The following ACVR1 variants were observed in gnomAD, a reference collection of about 807,000 sequenced individuals.
ACVR1 encodes the protein activin receptor type-1.
Under a neutral mutation model 57.1 loss-of-function variants are expected in ACVR1, and 38 were observed. That is an observed-to-expected ratio of 0.67 (90% CI 0.51 to 0.87). The LOEUF (loss-of-function observed/expected upper bound fraction) is 0.87, where lower values mean the gene tolerates loss of function less well. Among genes scored for constraint, ACVR1 ranks in the 40% least tolerant of loss-of-function variants. The probability of loss-of-function intolerance (pLI) is 0.00; values close to 1 mark genes in which losing one functional copy is unlikely to be tolerated. For synonymous variants in ACVR1, 212 were observed against 228.1 expected (o/e 0.93, Z 0.63); for missense variants, 463 against 638.2 (o/e 0.73, Z 2.96).
intron 1 of ACVR1, among the ~76,000 whole-genome samples, chr2:157,823,861 T>C (rs915561993): frequency 1.6e-4 from 25 of 152,128 alleles, no homozygotes; most frequent in African/African-American, 5.8e-4. Flanking sequence ...AGGAGAAAAC[T>C]TGAGGCAACA....
At chr2:157,834,753 T>C (rs892403336) in intron 1 of ACVR1, among the ~76,000 whole-genome samples, 1 of 152,204 alleles carries the variant, frequency 6.6e-6, no homozygotes, top group Non-Finnish European at 1.5e-5. Context: ...TCATATGTTG[T>C]AACCTAATCA....
chr2:157,855,212 T>C (rs1302530365), intron 1 of ACVR1, among the ~76,000 whole-genome samples: 1 of 147,448 alleles, frequency 6.8e-6, no homozygotes, highest in Non-Finnish European at 1.5e-5. Context: ...AGCTTAGGAG[T>C]TTGGGACCAG....
At chr2:157,741,316 C>A (rs950226558) in intron 9 of ACVR1, among the ~76,000 whole-genome samples, 1 of 152,066 alleles carries the variant, frequency 6.6e-6, no homozygotes, top group East Asian at 1.9e-4. Context: ...TGGGTGTGCC[C>A]GAGGCTGTGC....
intron 2 of ACVR1, among the ~76,000 whole-genome samples, chr2:157,809,989 T>C (rs543508831): frequency 3.1e-4 from 47 of 152,210 alleles, no homozygotes; most frequent in African/African-American, 1.1e-3. Context: ...GACGACAAGA[T>C]TACTTGAGCC....
intron 1 of ACVR1, among the ~76,000 whole-genome samples, chr2:157,850,824 G>T (rs1689271948): frequency 6.6e-6 from 1 of 152,074 alleles, no homozygotes; most frequent in East Asian, 1.9e-4. Flanking sequence ...GGGTGTGGTG[G>T]TGCACATCTG....
chr2:157,806,775 A>G (rs1260703945), intron 2 of ACVR1: 1 of 152,232 alleles, frequency 6.6e-6, no homozygotes, highest in Non-Finnish European at 1.5e-5. Flanking sequence ...CGGTTCAAAA[A>G]TGACCTGTTA....
chr2:157,824,951 G>T (rs1688289335), intron 1 of ACVR1, among the ~76,000 whole-genome samples: 1 of 152,020 alleles, frequency 6.6e-6, no homozygotes, highest in Non-Finnish European at 1.5e-5. Context: ...TTGCCATGTT[G>T]GCCAGGCTGG....
intron 4 of ACVR1, 66 bp downstream of exon 4, chr2:157,780,271 C>A (rs1222575960): frequency 2.5e-6 from 4 of 1,608,874 alleles, no homozygotes; most frequent in Non-Finnish European, 3.4e-6. Context: ...AGATCTTTAA[C>A]CCACACGGAC....
chr2:157,813,685 C>T (rs1196784508), intron 2 of ACVR1, among the ~76,000 whole-genome samples: 1 of 152,222 alleles, frequency 6.6e-6, no homozygotes, highest in Non-Finnish European at 1.5e-5. Flanking sequence ...TCTGAATGAT[C>T]AGTGGATGTG....
At position 157,839,627 on chromosome 2, in the gene ACVR1, T is replaced by C. The variant is rs370080897; in HGVS notation, c.-182-21068A>G. Among the ~76,000 whole-genome samples, 8 of 152,186 alleles carry C rather than the reference T, an allele frequency of 5.3e-5. 1 individual carries two copies. The East Asian group carries it at 5.8e-4, about 11-fold the overall frequency. ...GTACAGGGAAAGCTAATTGATCTAA[T>C]GTCACACCACACAACTACCAGGCAT... On this transcript the variant is annotated intron_variant, in intron 1 of 10. Coordinates refer to ENST00000434821, the MANE Select transcript of ACVR1 (RefSeq NM_001111067.4).
intron 1 of ACVR1, among the ~76,000 whole-genome samples, chr2:157,869,213 T>A (rs536013530): frequency 1.3e-5 from 2 of 152,344 alleles, no homozygotes; most frequent in African/African-American, 4.8e-5. Context: ...ACACTGGAGC[T>A]GGTCCAAATC....
At chr2:157,750,883 G>A (rs1474844376) in intron 9 of ACVR1, among the ~76,000 whole-genome samples, 5 of 151,694 alleles carry the variant, frequency 3.3e-5, no homozygotes, top group Non-Finnish European at 7.4e-5. Flanking sequence ...GCAAATTAAA[G>A]AAATGGGTAT....
chr2:157,785,624 A>T (rs1359714671), intron 3 of ACVR1, among the ~76,000 whole-genome samples: 1 of 152,208 alleles, frequency 6.6e-6, no homozygotes, highest in African/African-American at 2.4e-5. Context: ...ATAATCTCTC[A>T]TTATAAAACA....
intron 2 of ACVR1, among the ~76,000 whole-genome samples, chr2:157,803,224 C>T (rs1687391495): frequency 1.3e-5 from 2 of 151,698 alleles, no homozygotes; most frequent in Non-Finnish European, 2.9e-5. Context: ...TATCATTGTG[C>T]GAACAAAATT....
At chr2:157,794,217 A>C (rs1687025244) in intron 3 of ACVR1, among the ~76,000 whole-genome samples, 1 of 152,240 alleles carries the variant, frequency 6.6e-6, no homozygotes, top group Non-Finnish European at 1.5e-5. Flanking sequence ...GTAGTATTAG[A>C]GCATGATTAG....
intron 3 of ACVR1, among the ~76,000 whole-genome samples, chr2:157,796,239 A>AT (rs397795395): frequency 6.6e-6 from 1 of 151,270 alleles, no homozygotes; most frequent in African/African-American, 2.4e-5. Context: ...AAAAAAAAAA[A>AT]TTAAAAGGCA....
At chr2:157,770,150 G>A (rs1479928200) in intron 7 of ACVR1, among the ~76,000 whole-genome samples, 1 of 152,104 alleles carries the variant, frequency 6.6e-6, no homozygotes, top group Non-Finnish European at 1.5e-5. Context: ...TAGCACTAGT[G>A]GATTTCCTTT....
At position 157,736,521 on chromosome 2, in the gene ACVR1, A is replaced by AT. The variant is rs1684537789; in HGVS notation, c.*1009dup. 8.2e-6 allele frequency: 2 copies of AT among 243,976 alleles called. No homozygotes were observed. The highest frequency in any genetic ancestry group is 1.5e-5 in the Non-Finnish European group (2 of 129,154). 15.1% of individuals were successfully genotyped at this position (243,976 alleles called of 1,614,324 possible). On this transcript the variant is annotated 3_prime_UTR_variant, in exon 11 of 11. Coordinates refer to ENST00000434821, the MANE Select transcript of ACVR1 (RefSeq NM_001111067.4). ...AAAAGTAGATTAAAACAAAATAGTT[A>AT]TTTTTTTCTGGCAGAGTTTAAATGC...
In ACVR1 at chr2:157,855,315, T is replaced by TAC. The variant is rs1553451271; in HGVS notation, c.-183+20480_-183+20481insGT. On this transcript the variant is annotated intron_variant, in intron 1 of 10. Transcript: ENST00000434821. ...GTGTGTGTGTGTGTGTGTGTATATA[T>TAC]ATATATATACACACACACACACACA... Among the ~76,000 whole-genome samples, 27 of 100,958 alleles carry TAC rather than the reference T, an allele frequency of 2.7e-4. No individual in the cohort carries two copies. The South Asian group carries it at 5.6e-3, about 21-fold the overall frequency. The allele number at this position is 100,958 out of a possible 152,430, so 66.2% of individuals were successfully genotyped here.
Sources: allele counts gnomAD v4.1 joint callset (sites outside exome capture counted in the v4.1 genomes callset), GRCh38; gene constraint gnomAD v4.1.1; transcripts MANE v1.5; gene names NCBI Gene and HGNC (gene_info 2026-07-23, HGNC 2026-07-21).